Variants in FAM186B observed in about 807,000 individuals in gnomAD.
FAM186B encodes protein FAM186B.
A neutral mutation model predicts 83.4 loss-of-function variants in FAM186B; 68 were observed. That is an observed-to-expected ratio of 0.81 (90% CI 0.67 to 1.00). FAM186B has a LOEUF of 1.00. FAM186B is among the 50% of genes least tolerant of loss of function. The pLI, the probability that FAM186B is intolerant of heterozygous loss-of-function variation, is 0.00. For synonymous variants in FAM186B, 389 were observed against 422.0 expected (o/e 0.92, Z 0.96); for missense variants, 983 against 1,099.2 (o/e 0.89, Z 1.49).
upstream of FAM186B, among the ~76,000 whole-genome samples, chr12:49,606,262 G>C (rs1263425348): frequency 6.6e-6 from 1 of 152,076 alleles, no homozygotes; most frequent in Non-Finnish European, 1.5e-5. Context: ...GGGAGGCTGA[G>C]GTGGGAGGAT....
At position 49,605,634 on chromosome 12, in the gene FAM186B, C is replaced by G. The variant is rs1206686897; in HGVS notation, c.-157G>C. 1.5e-6 allele frequency: 1 copy of G among 649,336 alleles called. No individual in the cohort carries two copies. Among genetic ancestry groups the G allele is most frequent in the East Asian group, 2.9e-5 (1 of 33,912 alleles). The allele number at this position is 649,336 out of a possible 1,614,324, so 40.2% of individuals were successfully genotyped here. On this transcript the variant is annotated 5_prime_UTR_variant, in exon 1 of 7. Coordinates refer to ENST00000257894, the MANE Select transcript of FAM186B (RefSeq NM_032130.3). ...TCTGGTAACTGCCAAACACCAGGTT[C>G]CAACTGATCCTCTTTTCCCCAGTGA... is the stretch of plus-strand genomic sequence containing the variant.
downstream of FAM186B, among the ~76,000 whole-genome samples, chr12:49,584,940 G>A (rs1592539823): frequency 1.3e-5 from 2 of 151,690 alleles, no homozygotes; most frequent in African/African-American, 2.4e-5. Flanking sequence ...CCCTCCTGTC[G>A]TCTCCAGCAT....
intron 1 of FAM186B, 135 bp from the exon 2 acceptor site, chr12:49,604,673 A>G: frequency 1.5e-6 from 1 of 650,092 alleles, no homozygotes; most frequent in South Asian, 2.0e-5. Flanking sequence ...GGGAATCATT[A>G]TAGTACCTAT....
At chr12:49,596,050 C>T (rs530500990) in intron 5 of FAM186B, among the ~76,000 whole-genome samples, 25 of 152,200 alleles carry the variant, frequency 1.6e-4, no homozygotes, top group African/African-American at 6.0e-4. Context: ...AGAAACAGGC[C>T]ATTAGGAATC....
intron 5 of FAM186B, chr12:49,595,691 G>A: frequency 2.7e-6 from 1 of 373,848 alleles, no homozygotes; most frequent in South Asian, 2.2e-5. Flanking sequence ...TTAAAGACTA[G>A]AGCAGCAAGT....
chr12:49,616,875 T>A, the FAM186B span, among the ~76,000 whole-genome samples: 11 of 152,222 alleles, frequency 7.2e-5, no homozygotes, highest in Non-Finnish European at 1.3e-4. Context: ...GTTGATTTTT[T>A]AAAATGCAAT....
intron 5 of FAM186B, among the ~76,000 whole-genome samples, chr12:49,590,133 A>C (rs1173393824): frequency 1.3e-5 from 2 of 151,890 alleles, no homozygotes; most frequent in Non-Finnish European, 2.9e-5. Flanking sequence ...CAAGGATTCC[A>C]ATATAAGTTT....
At position 49,587,939 on chromosome 12, in the gene FAM186B, T is replaced by C. The variant is rs7977389; in HGVS notation, c.2535-187A>G. On this transcript the variant is annotated intron_variant, in intron 6 of 6. Transcript: ENST00000257894. Reference sequence around the variant, plus strand: ...CTCACTTCCTTGGGGCTCCTCTGGCTGAGGAGCTGCTGGAAGAGGTTCCCA... The same window carrying C: ...CTCACTTCCTTGGGGCTCCTCTGGCCGAGGAGCTGCTGGAAGAGGTTCCCA... 0.18 allele frequency among the ~76,000 whole-genome samples: 27,972 copies of C among 152,176 alleles called. 3,585 individuals are homozygous for C. Among genetic ancestry groups the C allele is most frequent in the African/African-American group, 0.37 (15,392 of 41,482 alleles).
chr12:49,612,363 CAA>C, the FAM186B span, among the ~76,000 whole-genome samples: 1 of 134,680 alleles, frequency 7.4e-6, no homozygotes, highest in African/African-American at 3.0e-5. Context: ...TTTAATCCAA[CAA>C]AGTTTTTTTT....
chr12:49,619,183 C>CT, the FAM186B span, among the ~76,000 whole-genome samples: 102 of 152,302 alleles, frequency 6.7e-4, no homozygotes, highest in African/African-American at 2.3e-3. Context: ...TAATTTACTG[C>CT]TCCCTTTCTC....
At chr12:49,620,032 C>A in the FAM186B span, among the ~76,000 whole-genome samples, 1 of 152,092 alleles carries the variant, frequency 6.6e-6, no homozygotes, top group Non-Finnish European at 1.5e-5. Flanking sequence ...TGAGTGGGTT[C>A]AGCTGATAAC....
chr12:49,617,839 G>T, the FAM186B span, among the ~76,000 whole-genome samples: 336 of 152,244 alleles, frequency 2.2e-3, 1 homozygote, highest in African/African-American at 7.5e-3. Flanking sequence ...GAGAAGAGAC[G>T]AGCAAAATAT....
chr12:49,585,235 G>T (rs976593458), downstream of FAM186B, among the ~76,000 whole-genome samples: 2 of 152,080 alleles, frequency 1.3e-5, no homozygotes, highest in Non-Finnish European at 2.9e-5. Flanking sequence ...AGCCAGGATG[G>T]TCTCAATCTC....
chr12:49,582,936 C>A, downstream of FAM186B: 1 of 437,492 alleles, frequency 2.3e-6, no homozygotes, highest in Non-Finnish European at 4.6e-6. Flanking sequence ...ACAGCTTGGC[C>A]CGTGCAGGCT....
chr12:49,593,355 CG>C (rs1939630690), intron 5 of FAM186B: 1 of 152,172 alleles, frequency 6.6e-6, no homozygotes, highest in African/African-American at 2.4e-5. Context: ...AACAAACGGC[CG>C]GGTGTGGGTG....
chr12:49,603,049 A>T, intron 3 of FAM186B, 136 bp downstream of exon 3: 1 of 921,008 alleles, frequency 1.1e-6, no homozygotes, highest in Non-Finnish European at 1.7e-6. Context: ...GCCCCTCACC[A>T]CTGCCCATCC....
Position 49,605,466 on chromosome 12 carries a change from A to G in FAM186B, c.12T>C (p.Asp4=). 1.2e-6 allele frequency: 2 copies of G among 1,613,390 alleles called. No homozygotes were observed. The highest frequency in any genetic ancestry group is 1.7e-6 in the Non-Finnish European group (2 of 1,179,740). The change falls in exon 1 of 7, where the codon GAT becomes GAC. Residue 4 remains aspartate (D), a synonymous_variant. Coordinates refer to ENST00000257894, the MANE Select transcript of FAM186B (RefSeq NM_032130.3). ...TGGGAGTCACCAACTGTGGGGGGTC[A>G]TCCTTCTCCATTTTGGATCACTCTG... MEK[D]DPPQLVTPTS... is the part of the protein sequence containing the mutation.
At chr12:49,621,674 A>C in the FAM186B span, among the ~76,000 whole-genome samples, 13 of 152,384 alleles carry the variant, frequency 8.5e-5, no homozygotes, top group Middle Eastern at 6.8e-3. Context: ...GAAAAATAAA[A>C]GTTTGTGCAG....
At chr12:49,590,760 A>G (rs1416811078) in intron 5 of FAM186B, among the ~76,000 whole-genome samples, 1 of 152,190 alleles carries the variant, frequency 6.6e-6, no homozygotes, top group Non-Finnish European at 1.5e-5. Context: ...CTAAACCCAT[A>G]TGGTTCCTAA....
Sources: gnomAD v4.1 joint callset for allele counts (sites outside exome capture counted in the v4.1 genomes callset) on GRCh38, gnomAD v4.1.1 for gene constraint, MANE v1.5 for transcripts, NCBI Gene and HGNC (gene_info 2026-07-23, HGNC 2026-07-21) for gene names.